Variants in RMND5A observed in about 807,000 individuals in gnomAD.
The protein encoded by RMND5A is required for meiotic nuclear division 5 homolog A.
In RMND5A, 17 loss-of-function variants were observed where a neutral mutation model predicts 49.7. The observed-to-expected ratio is 0.34, with a 90% CI of 0.23 to 0.51. The LOEUF is 0.51. Among genes scored for constraint, RMND5A ranks in the 20% least tolerant of loss-of-function variants. RMND5A has a pLI of 0.96. For synonymous variants in RMND5A, 156 were observed against 167.7 expected (o/e 0.93, Z 0.54); for missense variants, 255 against 471.3 (o/e 0.54, Z 4.25).
chr2:86,772,377 C>A (rs1229578967), intron 8 of RMND5A, among the ~76,000 whole-genome samples: 1 of 152,128 alleles, frequency 6.6e-6, no homozygotes, highest in Non-Finnish European at 1.5e-5. Flanking sequence ...AGGGCGTGAA[C>A]CCGAGAGGCA....
rs1404777879 is a variant in RMND5A, at chr2:86,773,338, T to A, written c.1113-10T>A. 5.7e-6 allele frequency: 9 copies of A among 1,576,030 alleles called. No homozygotes were observed. The highest frequency in any genetic ancestry group is 7.9e-6 in the Non-Finnish European group (9 of 1,146,074). Reference sequence around the variant, plus strand: ...GCTCCTTCACTCAGTGTTTTCTTCTTTGTCTTTAGATTAAAATGTCCCTAC... The same window carrying A: ...GCTCCTTCACTCAGTGTTTTCTTCTATGTCTTTAGATTAAAATGTCCCTAC... On this transcript the variant is annotated splice_polypyrimidine_tract_variant and intron_variant, in intron 8 of 8. Coordinates refer to ENST00000283632, the MANE Select transcript of RMND5A (RefSeq NM_022780.4).
chr2:86,746,833 T>C (rs1356904030), intron 2 of RMND5A, among the ~76,000 whole-genome samples: 1 of 152,238 alleles, frequency 6.6e-6, no homozygotes, highest in East Asian at 1.9e-4. Context: ...TCCCTCATTT[T>C]TTAAATAAAG....
chr2:86,744,929 C>G (rs946341597), intron 2 of RMND5A, among the ~76,000 whole-genome samples: 1 of 151,950 alleles, frequency 6.6e-6, no homozygotes, highest in Non-Finnish European at 1.5e-5. Flanking sequence ...TCCTGGCCTC[C>G]CATTGTTGGG....
chr2:86,766,535 G>A (rs1672597511), intron 6 of RMND5A, among the ~76,000 whole-genome samples: 1 of 151,936 alleles, frequency 6.6e-6, no homozygotes, highest in African/African-American at 2.4e-5. Context: ...GTGGTGGCGG[G>A]TACCTTTAAT....
intron 1 of RMND5A, among the ~76,000 whole-genome samples, chr2:86,740,682 T>G (rs952747698): frequency 7.0e-6 from 1 of 143,214 alleles, no homozygotes; most frequent in Non-Finnish European, 1.5e-5. Context: ...CTGTGCTGGT[T>G]GTTGTAATGA....
intron 1 of RMND5A, among the ~76,000 whole-genome samples, chr2:86,723,967 C>G (rs1348633072): frequency 6.6e-6 from 1 of 152,150 alleles, no homozygotes; most frequent in African/African-American, 2.4e-5. Context: ...TTTCTTAATG[C>G]AGATACACTT....
rs868780800 is a variant in RMND5A, at chr2:86,721,946, A to G, written c.142+1137A>G. On this transcript the variant is annotated intron_variant, in intron 1 of 8. Transcript: ENST00000283632. Reference sequence around the variant, plus strand: ...GATGGGTGCTGGTCCATGGGAAAGGAGTCTTACAGCAGCTTCTCATTCTGG... The same window carrying G: ...GATGGGTGCTGGTCCATGGGAAAGGGGTCTTACAGCAGCTTCTCATTCTGG... 4.2e-3 allele frequency among the ~76,000 whole-genome samples: 521 copies of G among 125,292 alleles called. 5 individuals are homozygous for G. The highest frequency in any genetic ancestry group is 0.017 in the African/African-American group (487 of 28,140). The allele number at this position is 125,292 out of a possible 152,430, so 82.2% of individuals were successfully genotyped here. A position where few individuals can be genotyped will look rare whatever the true frequency, so the allele number is the denominator to read the frequency against.
rs1558727727 is a variant in RMND5A at position 86,770,135 on chromosome 2, A to C, written c.957+10A>C. 3.2e-6 allele frequency: 5 copies of C among 1,563,286 alleles called. No homozygotes were observed. The highest frequency in any genetic ancestry group is 4.4e-6 in the Non-Finnish European group (5 of 1,133,738). On this transcript the variant is annotated intron_variant, in intron 7 of 8. Coordinates refer to ENST00000283632, the MANE Select transcript of RMND5A (RefSeq NM_022780.4). The stretch of plus-strand genomic sequence containing the variant: ...GAAAGATGAATTACCTGTGAGTTCC[A>C]TTTTCTATTGGCTATTTACTTTTAC...
chr2:86,744,618 A>G (rs1387552384), intron 2 of RMND5A, among the ~76,000 whole-genome samples: 1 of 152,098 alleles, frequency 6.6e-6, no homozygotes, highest in African/African-American at 2.4e-5. Flanking sequence ...AAAGTTCCCT[A>G]CCTATCATGT....
chr2:86,770,724 T>C (rs999399616), intron 7 of RMND5A, among the ~76,000 whole-genome samples: 1 of 152,192 alleles, frequency 6.6e-6, no homozygotes, highest in Non-Finnish European at 1.5e-5. Context: ...TTTCTCTTTA[T>C]GGGGCTGCTG....
intron 5 of RMND5A, chr2:86,765,477 C>A: frequency 2.7e-6 from 1 of 365,790 alleles, no homozygotes; most frequent in Non-Finnish European, 4.9e-6. Flanking sequence ...TGGCTGTATG[C>A]TGCTGCTCTT....
At chr2:86,771,463 G>T (rs1263796325) in intron 7 of RMND5A, 95 bp from the exon 8 acceptor site, 3 of 1,082,186 alleles carry the variant, frequency 2.8e-6, no homozygotes, top group East Asian at 4.9e-5. Flanking sequence ...GAATAGATCT[G>T]ATCAATGTTC....
chr2:86,771,786 TGAG>T (rs1672689431), intron 8 of RMND5A, 74 bp downstream of exon 8: 6 of 1,251,170 alleles, frequency 4.8e-6, no homozygotes, highest in Non-Finnish European at 6.8e-6. Flanking sequence ...TAAGAAGTGA[TGAG>T]GATTAAAAAA....
intron 5 of RMND5A, 44 bp from the exon 6 acceptor site, chr2:86,765,815 T>C (rs1269036521): frequency 6.3e-7 from 1 of 1,584,060 alleles, no homozygotes; most frequent in Non-Finnish European, 8.6e-7. Flanking sequence ...TCGCAGCTTA[T>C]TACTGCAAGC....
At chr2:86,721,137 C>T (rs1681206531) in intron 1 of RMND5A, 1 of 262,606 alleles carries the variant, frequency 3.8e-6, no homozygotes, top group Non-Finnish European at 7.3e-6. Flanking sequence ...GCCCCTCGTC[C>T]CCCGCTCCCA....
chr2:86,757,376 T>C (rs1238985111), intron 4 of RMND5A, among the ~76,000 whole-genome samples: 3 of 152,086 alleles, frequency 2.0e-5, no homozygotes, highest in Non-Finnish European at 4.4e-5. Context: ...TCCAGATTTC[T>C]TTTATGCTCA....
chr2:86,758,442 G>A (rs1052313179), intron 4 of RMND5A, among the ~76,000 whole-genome samples: 27 of 151,848 alleles, frequency 1.8e-4, no homozygotes, highest in African/African-American at 6.5e-4. Context: ...TCCTATGGAT[G>A]GACGTTTGTA....
In RMND5A at chr2:86,751,883, T is replaced by C; in HGVS notation, c.286-13T>C. The C allele has an allele frequency of 6.2e-7, 1 of 1,608,996 alleles. No individual in the cohort carries two copies. The highest frequency in any genetic ancestry group is 8.5e-7 in the Non-Finnish European group (1 of 1,176,988). On this transcript the variant is annotated splice_polypyrimidine_tract_variant and intron_variant, in intron 2 of 8. Transcript: ENST00000283632. ...AATCTATTTATGATTCCCTTTCTCT[T>C]TCTTTTCCCCAGAATTTTGATTCTG...
intron 8 of RMND5A, among the ~76,000 whole-genome samples, chr2:86,772,752 A>G (rs7561172): frequency 0.7 from 106,743 of 151,614 alleles, 37,731 homozygotes; most frequent in East Asian, 0.91. Flanking sequence ...ACACCACCAC[A>G]CTTGGCTGAT....
Sources: allele counts gnomAD v4.1 joint callset (sites outside exome capture counted in the v4.1 genomes callset), GRCh38; gene constraint gnomAD v4.1.1; transcripts MANE v1.5; gene names NCBI Gene and HGNC (gene_info 2026-07-23, HGNC 2026-07-21).